FN3KRP: variants seen among roughly 807,000 people sequenced by gnomAD.
FN3KRP encodes the protein ketosamine-3-kinase.
In FN3KRP, 33 loss-of-function variants were observed where a neutral mutation model predicts 29.8. That is an observed-to-expected ratio of 1.11 (90% CI 0.84 to 1.48). FN3KRP has a LOEUF of 1.48. Ranked by LOEUF, FN3KRP falls within the 40% of genes most tolerant of loss-of-function variation. FN3KRP has a pLI of 0.00. For missense variants in FN3KRP, 430 were observed against 402.6 expected, an observed-to-expected ratio of 1.07 and a Z score of -0.58; for synonymous variants, 157 against 155.2, an observed-to-expected ratio of 1.01 and a Z score of -0.09.
At chr17:82,723,551 G>A (rs1399631019) in intron 4 of FN3KRP, among the ~76,000 whole-genome samples, 1 of 151,248 alleles carries the variant, frequency 6.6e-6, no homozygotes, top group African/African-American at 2.5e-5. Flanking sequence ...ACGCACGTCT[G>A]TGCGCATATG....
chr17:82,722,815 G>T lies in FN3KRP; in HGVS notation c.397G>T (p.Gly133Trp). The T allele has an allele frequency of 6.2e-7, 1 of 1,613,956 alleles. No individual in the cohort carries two copies. Among genetic ancestry groups the T allele is most frequent in the Non-Finnish European group, 8.5e-7 (1 of 1,179,982 alleles). The change falls in exon 4 of 6, where the codon GGG becomes TGG. Residue 133 changes from glycine to tryptophan, a missense_variant. Transcript: ENST00000269373. ...CTTTTGCTTGCAAGGGAGAGGAGGT[G>T]GGCAGGAGGAACGGCCCTTTGTGGC... ...KEAGTVGRGG[G>W]QEERPFVARF...
Position 82,716,764 on chromosome 17 carries a change from G to C in FN3KRP, c.9G>C (p.Glu3Asp). The C allele has an allele frequency of 6.6e-7, 1 of 1,515,760 alleles. No individual in the cohort carries two copies. The highest frequency in any genetic ancestry group is 1.3e-5 in the South Asian group (1 of 78,718). The allele number at this position is 1,515,760 out of a possible 1,614,324, so 93.9% of individuals were successfully genotyped here. The change falls in exon 1 of 6, where the codon GAG (glutamate) becomes GAC (aspartate). Residue 3 changes from glutamate (E) to aspartate (D), a missense_variant. Physicochemically the swap from Glu to Asp is conservative, Grantham distance 45. Coordinates refer to ENST00000269373, the MANE Select transcript of FN3KRP (RefSeq NM_024619.4). ME[E>D]LLRRELGCSS... ...GCGGCCGCGGCGGGAACATGGAGGA[G>C]CTCCTGAGGCGCGAGCTGGGCTGCA... is the stretch of plus-strand genomic sequence containing the variant.
At chr17:82,724,521 T>C (rs1211422594) in intron 4 of FN3KRP, among the ~76,000 whole-genome samples, 1 of 151,880 alleles carries the variant, frequency 6.6e-6, no homozygotes, top group Admixed American at 6.6e-5. Context: ...GGAGAATCGC[T>C]TGAACCCGGG....
intron 5 of FN3KRP, 43 bp downstream of exon 5, chr17:82,726,645 C>G (rs2046839785): frequency 6.3e-7 from 1 of 1,582,984 alleles, no homozygotes; most frequent in East Asian, 2.2e-5. Flanking sequence ...GCCACACACC[C>G]CACTTGCCTG....
intron 4 of FN3KRP, among the ~76,000 whole-genome samples, chr17:82,726,016 A>G (rs1269392116): frequency 2.6e-5 from 4 of 152,056 alleles, no homozygotes; most frequent in Admixed American, 2.6e-4. Context: ...CGTCTCTACT[A>G]AAAATACAAA....
At position 82,723,636 on chromosome 17, in the gene FN3KRP, C is replaced by T. The variant is rs1390927443; in HGVS notation, c.468+750C>T. 2.6e-5 allele frequency among the ~76,000 whole-genome samples: 4 copies of T among 152,132 alleles called. No homozygotes were observed. In the East Asian group the frequency reaches 7.7e-4, roughly 29 times the overall value. On this transcript the variant is annotated intron_variant, in intron 4 of 5. Transcript: ENST00000269373. ...ATGTGTGCATATGTGTATGTGTGCACACGTGTGTGCATGTGTGTACGCGTG... is the reference window on the plus strand; with the variant it reads ...ATGTGTGCATATGTGTATGTGTGCATACGTGTGTGCATGTGTGTACGCGTG...
Position 82,727,313 on chromosome 17 carries a change from G to A in FN3KRP, c.*142G>A. On this transcript the variant is annotated 3_prime_UTR_variant, in exon 6 of 6. Transcript: ENST00000269373. ...GCCTTGCAAAGTATATAATATCTAA[G>A]AGGAAAGGTTTTGTCATCCCAGCGT... 2.6e-6 allele frequency: 2 copies of A among 761,934 alleles called. No homozygotes were observed. Among genetic ancestry groups the A allele is most frequent in the Non-Finnish European group, 4.2e-6 (2 of 480,730 alleles). 47.2% of individuals were successfully genotyped at this position (761,934 alleles called of 1,614,324 possible).
chr17:82,726,114 A>T (rs1353226154), intron 4 of FN3KRP, among the ~76,000 whole-genome samples: 1 of 152,140 alleles, frequency 6.6e-6, no homozygotes, highest in Admixed American at 6.5e-5. Context: ...CGGGAGGCAG[A>T]GGTTGCAGTG....
chr17:82,721,263 T>G (rs1164534269), intron 3 of FN3KRP, among the ~76,000 whole-genome samples: 1 of 151,942 alleles, frequency 6.6e-6, no homozygotes, highest in Non-Finnish European at 1.5e-5. Context: ...AATTTTTGTA[T>G]TTTTAGTAGA....
intron 3 of FN3KRP, among the ~76,000 whole-genome samples, chr17:82,722,228 G>A (rs562442892): frequency 2.0e-4 from 30 of 152,152 alleles, no homozygotes; most frequent in African/African-American, 6.5e-4. Flanking sequence ...TCCGCCTCCC[G>A]GGTTCAAGTG....
chr17:82,725,638 C>T (rs1046132213), intron 4 of FN3KRP, among the ~76,000 whole-genome samples: 12 of 152,094 alleles, frequency 7.9e-5, no homozygotes, highest in Admixed American at 5.9e-4. Context: ...TTAGTACAAG[C>T]ATGAGCCACC....
intron 1 of FN3KRP, among the ~76,000 whole-genome samples, chr17:82,717,391 C>A (rs1405424559): frequency 3.3e-5 from 5 of 152,278 alleles, no homozygotes; most frequent in Middle Eastern, 3.4e-3. Context: ...GCTGCTGCGC[C>A]TCACCACACC....
chr17:82,720,573 T>C (rs2046791894), intron 3 of FN3KRP, among the ~76,000 whole-genome samples: 1 of 152,224 alleles, frequency 6.6e-6, no homozygotes, highest in South Asian at 2.1e-4. Context: ...ATTTGAAAGA[T>C]GAAAACATTT....
intron 4 of FN3KRP, among the ~76,000 whole-genome samples, chr17:82,726,105 G>A (rs1169164138): frequency 1.3e-5 from 2 of 151,960 alleles, no homozygotes; most frequent in Admixed American, 6.6e-5. Context: ...GCTTGAACCC[G>A]GGAGGCAGAG....
chr17:82,727,052 C>A lies in FN3KRP; in HGVS notation c.811C>A (p.Pro271Thr), dbSNP rs376337783. ...SAYHGKIPKA[P>T]GFEKRLQLYQ... ...CTACCACGGCAAAATCCCCAAGGCC[C>A]CAGGATTCGAGAAGCGCCTTCAGTT... Residue 271 changes from proline to threonine, a missense_variant, in exon 6 of 6, where the codon CCA (proline) becomes ACA (threonine). Transcript: ENST00000269373. The A allele has an allele frequency of 2.4e-5, 38 of 1,613,954 alleles. No homozygotes were observed. The East Asian group carries it at 3.8e-4, about 16-fold the overall frequency.
intron 3 of FN3KRP, 54 bp downstream of exon 3, chr17:82,720,417 G>A (rs896602476): frequency 6.8e-6 from 10 of 1,460,104 alleles, no homozygotes; most frequent in South Asian, 2.3e-5. Flanking sequence ...ACGTTCAGCC[G>A]GTGTGGGCTC....
chr17:82,724,693 G>C (rs546347239), intron 4 of FN3KRP, among the ~76,000 whole-genome samples: 410 of 152,284 alleles, frequency 2.7e-3, no homozygotes, highest in African/African-American at 8.8e-3. Flanking sequence ...AAGGCCAAAA[G>C]TGTGCTGCAT....
chr17:82,725,884 G>A (rs1211850198), intron 4 of FN3KRP, among the ~76,000 whole-genome samples: 3 of 152,158 alleles, frequency 2.0e-5, no homozygotes, highest in African/African-American at 4.8e-5. Flanking sequence ...TAAAGAAAGT[G>A]GGAGCAGGGC....
chr17:82,723,968 C>T (rs2046819594), intron 4 of FN3KRP, among the ~76,000 whole-genome samples: 1 of 150,848 alleles, frequency 6.6e-6, no homozygotes, highest in Non-Finnish European at 1.5e-5. Context: ...GAAATGTTAG[C>T]CAGTTGCTTT....
Sources: allele counts gnomAD v4.1 joint callset (sites outside exome capture counted in the v4.1 genomes callset), GRCh38; gene constraint gnomAD v4.1.1; transcripts MANE v1.5; gene names NCBI Gene and HGNC (gene_info 2026-07-23, HGNC 2026-07-21).